FAM171A1: variants seen among roughly 807,000 people sequenced by gnomAD.
The protein encoded by FAM171A1 is family with sequence similarity 171 member A1.
FAM171A1 carries 23 observed loss-of-function variants against 74.9 expected under a neutral mutation model. The observed-to-expected ratio is 0.31, with a 90% CI of 0.22 to 0.44. FAM171A1 has a LOEUF of 0.44. FAM171A1 is among the 20% of genes least tolerant of loss of function. The pLI is 1.00. For missense variants in FAM171A1, 1,162 were observed against 1,159.2 expected, an observed-to-expected ratio of 1.00 and a Z score of -0.03; for synonymous variants, 527 against 505.7, an observed-to-expected ratio of 1.04 and a Z score of -0.57.
At chr10:15,364,063 G>A (rs960119258) in intron 1 of FAM171A1, among the ~76,000 whole-genome samples, 7 of 152,002 alleles carry the variant, frequency 4.6e-5, no homozygotes, top group African/African-American at 1.5e-4. Context: ...GTGGGGGGGC[G>A]GTCCCTAACA....
rs1032406737 is a variant in FAM171A1, at chr10:15,336,359, T to C, written c.97+34597A>G. Among the ~76,000 whole-genome samples, 4 of 151,732 alleles carry C rather than the reference T, an allele frequency of 2.6e-5. No individual in the cohort carries two copies. The South Asian group carries it at 8.3e-4, about 32-fold the overall frequency. ...GACCAAATAGGGCAGTTTTATCATATACAATATATTTGCCCTCTACATGTG... is the reference window on the plus strand; with the variant it reads ...GACCAAATAGGGCAGTTTTATCATACACAATATATTTGCCCTCTACATGTG... On this transcript the variant is annotated intron_variant, in intron 1 of 7. Coordinates refer to ENST00000378116, the MANE Select transcript of FAM171A1 (RefSeq NM_001010924.2).
chr10:15,358,527 C>A (rs1835958824), intron 1 of FAM171A1, among the ~76,000 whole-genome samples: 1 of 152,136 alleles, frequency 6.6e-6, no homozygotes, highest in South Asian at 2.1e-4. Context: ...AAACAGTTTG[C>A]CAAATATTAA....
chr10:15,263,817 T>A (rs894054477), intron 3 of FAM171A1, among the ~76,000 whole-genome samples: 1 of 151,848 alleles, frequency 6.6e-6, no homozygotes, highest in East Asian at 1.9e-4. Context: ...TAATCATCTA[T>A]CTAATCTATC....
chr10:15,233,862 A>G (rs928146009), intron 5 of FAM171A1, among the ~76,000 whole-genome samples: 2 of 151,072 alleles, frequency 1.3e-5, no homozygotes, highest in African/African-American at 2.4e-5. Flanking sequence ...AGATAGTGCC[A>G]CTGCACTCCA....
intron 5 of FAM171A1, among the ~76,000 whole-genome samples, chr10:15,229,716 A>C (rs919993684): frequency 4.9e-4 from 65 of 132,970 alleles, no homozygotes; most frequent in South Asian, 2.0e-3. Flanking sequence ...CATCATCACC[A>C]CCATCACCAT....
intron 5 of FAM171A1, among the ~76,000 whole-genome samples, chr10:15,243,197 G>A (rs1834384266): frequency 6.6e-6 from 1 of 152,140 alleles, no homozygotes; most frequent in Admixed American, 6.5e-5. Flanking sequence ...CATTTCCAAA[G>A]TGCATGGCTC....
intron 5 of FAM171A1, among the ~76,000 whole-genome samples, chr10:15,227,630 C>T (rs1188706165): frequency 6.6e-6 from 1 of 152,166 alleles, no homozygotes; most frequent in African/African-American, 2.4e-5. Flanking sequence ...ATCCTCCTGC[C>T]TTGGCCTCCC....
intron 1 of FAM171A1, among the ~76,000 whole-genome samples, chr10:15,341,338 G>A (rs1248169786): frequency 6.6e-6 from 1 of 152,162 alleles, no homozygotes; most frequent in Non-Finnish European, 1.5e-5. Flanking sequence ...TATTTTCAAT[G>A]GACTGAAGGG....
chr10:15,241,358 A>C (rs977300833), intron 5 of FAM171A1: 2 of 152,214 alleles, frequency 1.3e-5, no homozygotes, highest in Non-Finnish European at 1.5e-5. Flanking sequence ...CAGAGGTCAC[A>C]ATTTTTTTTA....
chr10:15,294,732 A>G (rs1323682014), intron 1 of FAM171A1, among the ~76,000 whole-genome samples: 1 of 152,218 alleles, frequency 6.6e-6, no homozygotes, highest in Non-Finnish European at 1.5e-5. Flanking sequence ...TAAATGCGAC[A>G]AGGCTGTTTC....
At chr10:15,270,910 A>G (rs1358613526) in intron 3 of FAM171A1, among the ~76,000 whole-genome samples, 2 of 152,188 alleles carry the variant, frequency 1.3e-5, no homozygotes, top group Admixed American at 6.5e-5. Context: ...GGTAGATAAA[A>G]CCACAAAGAT....
At chr10:15,374,479 C>A (rs1448488798), upstream of FAM171A1, among the ~76,000 whole-genome samples, 1 of 152,174 alleles carries the variant, frequency 6.6e-6, no homozygotes, top group Non-Finnish European at 1.5e-5. Flanking sequence ...TCACACTTAT[C>A]CTTTACAGGA....
intron 3 of FAM171A1, among the ~76,000 whole-genome samples, chr10:15,273,696 T>G (rs1354632357): frequency 1.3e-5 from 2 of 152,160 alleles, no homozygotes; most frequent in African/African-American, 4.8e-5. Flanking sequence ...ATGATCAAGT[T>G]GGCTTCATCT....
At chr10:15,320,340 T>C (rs886673859) in intron 1 of FAM171A1, among the ~76,000 whole-genome samples, 2 of 152,258 alleles carry the variant, frequency 1.3e-5, no homozygotes, top group African/African-American at 4.8e-5. Context: ...ATGGCATATA[T>C]GTACCACACT....
intron 1 of FAM171A1, among the ~76,000 whole-genome samples, chr10:15,324,763 A>G (rs1235977209): frequency 2.6e-5 from 4 of 152,158 alleles, no homozygotes; most frequent in Admixed American, 1.3e-4. Context: ...AAAAAAAAGG[A>G]CAAAAAAACC....
intron 1 of FAM171A1, among the ~76,000 whole-genome samples, chr10:15,337,320 C>G (rs1198574182): frequency 2.0e-5 from 3 of 152,188 alleles, no homozygotes; most frequent in Admixed American, 6.5e-5. Context: ...TGAAATTGTC[C>G]TGGTATTCCT....
chr10:15,323,789 A>G (rs748674796), intron 1 of FAM171A1, among the ~76,000 whole-genome samples: 3 of 152,164 alleles, frequency 2.0e-5, no homozygotes, highest in Non-Finnish European at 4.4e-5. Flanking sequence ...AGTTGGAAGG[A>G]AGGAACACGG....
At chr10:15,330,410 G>C (rs1835613693) in intron 1 of FAM171A1, among the ~76,000 whole-genome samples, 1 of 152,096 alleles carries the variant, frequency 6.6e-6, no homozygotes, top group South Asian at 2.1e-4. Flanking sequence ...ATTTCTTTGG[G>C]AGTCATGGAA....
At chr10:15,313,223 C>G (rs751542593) in intron 1 of FAM171A1, among the ~76,000 whole-genome samples, 1 of 152,226 alleles carries the variant, frequency 6.6e-6, no homozygotes, top group African/African-American at 2.4e-5. Context: ...TGCTTTGCAG[C>G]AGTAAACCTC....
Sources: gnomAD v4.1 joint callset for allele counts (sites outside exome capture counted in the v4.1 genomes callset) on GRCh38, gnomAD v4.1.1 for gene constraint, MANE v1.5 for transcripts, NCBI Gene and HGNC (gene_info 2026-07-23, HGNC 2026-07-21) for gene names.